MMS22L: variants seen among roughly 807,000 people sequenced by gnomAD.
MMS22L encodes the protein protein MMS22-like.
MMS22L carries 74 observed loss-of-function variants against 159.1 expected under a neutral mutation model. The ratio of observed to expected loss-of-function variants is 0.47; its 90% confidence interval spans 0.39 to 0.56. The LOEUF is 0.56. Among genes scored for constraint, MMS22L ranks in the 20% least tolerant of loss-of-function variants. The pLI is 0.00. For synonymous variants in MMS22L, 517 were observed against 506.9 expected, an observed-to-expected ratio of 1.02 and a Z score of -0.27; for missense variants, 1,351 against 1,422.1, an observed-to-expected ratio of 0.95 and a Z score of 0.80.
chr6:97,172,999 ATCAT>A, intron 19 of MMS22L, 60 bp downstream of exon 19: 1 of 1,473,692 alleles, frequency 6.8e-7, no homozygotes, highest in Admixed American at 2.1e-5. Context: ...ATACCTATCC[ATCAT>A]GATAGTATAG....
chr6:97,172,055 T>C (rs755135910), intron 19 of MMS22L, among the ~76,000 whole-genome samples: 9 of 152,184 alleles, frequency 5.9e-5, no homozygotes, highest in Admixed American at 1.3e-4. Flanking sequence ...AGTAGAATTT[T>C]GTCCCATGTC....
intron 14 of MMS22L, among the ~76,000 whole-genome samples, chr6:97,198,511 T>C (rs1404260016): frequency 2.6e-5 from 4 of 152,104 alleles, no homozygotes; most frequent in African/African-American, 9.7e-5. Context: ...TGTTATTACA[T>C]AGTATATTAT....
intron 9 of MMS22L, among the ~76,000 whole-genome samples, chr6:97,257,605 T>C (rs1229292701): frequency 6.6e-6 from 1 of 152,020 alleles, no homozygotes; most frequent in Non-Finnish European, 1.5e-5. Context: ...GGTAATCTTG[T>C]TTATTTTTTG....
intron 11 of MMS22L, among the ~76,000 whole-genome samples, chr6:97,236,743 A>T (rs1182627752): frequency 6.6e-6 from 1 of 152,176 alleles, no homozygotes; most frequent in East Asian, 1.9e-4. Flanking sequence ...CCAGGTCAGG[A>T]GATCGAGACC....
intron 14 of MMS22L, among the ~76,000 whole-genome samples, chr6:97,212,246 T>C (rs372628656): frequency 8.5e-5 from 13 of 152,322 alleles, no homozygotes; most frequent in South Asian, 2.1e-4. Flanking sequence ...ATAAGTGTAC[T>C]GGCTGGAAAA....
rs749581652 is a variant in MMS22L, at chr6:97,228,982, C to T, written c.1951G>A (p.Asp651Asn). ...LYPSHEKLLN[D>N]GFSMLLRACR... ...GCTCGCAGAAGCATACTAAATCCATCATTAAGCAGTTTTTCATGGGAAGGA... is the reference window on the plus strand; with the variant it reads ...GCTCGCAGAAGCATACTAAATCCATTATTAAGCAGTTTTTCATGGGAAGGA... The change falls in exon 14 of 25, where the codon GAT becomes AAT. Residue 651 changes from aspartate (D) to asparagine (N), a missense_variant. Physicochemically the swap from Asp to Asn is conservative, Grantham distance 23. Coordinates refer to ENST00000683635, the MANE Select transcript of MMS22L (RefSeq NM_001350599.2). 1.9e-6 allele frequency: 3 copies of T among 1,614,136 alleles called. No homozygotes were observed. The highest frequency in any genetic ancestry group is 3.3e-5 in the Admixed American group (2 of 60,020).
At chr6:97,157,375 G>C (rs969119691) in intron 22 of MMS22L, among the ~76,000 whole-genome samples, 4 of 152,204 alleles carry the variant, frequency 2.6e-5, no homozygotes, top group African/African-American at 9.7e-5. Context: ...AGTGATGAGA[G>C]AGGGTATCCT....
chr6:97,270,269 C>G (rs1815587460), intron 6 of MMS22L: 1 of 555,558 alleles, frequency 1.8e-6, no homozygotes, highest in Admixed American at 2.2e-5. Flanking sequence ...CAACCAACCT[C>G]TGATTCTACT....
intron 11 of MMS22L, among the ~76,000 whole-genome samples, chr6:97,238,004 C>T (rs775256295): frequency 6.6e-6 from 1 of 152,076 alleles, no homozygotes; most frequent in African/African-American, 2.4e-5. Context: ...AAAAAATATG[C>T]AAAGTTTGGG....
intron 11 of MMS22L, among the ~76,000 whole-genome samples, chr6:97,241,090 C>T (rs2128026922): frequency 6.6e-6 from 1 of 152,292 alleles, no homozygotes; most frequent in East Asian, 1.9e-4. Flanking sequence ...AGTGTTGTCA[C>T]TAAGAATAAT....
At chr6:97,228,786 G>T in intron 14 of MMS22L, 108 bp downstream of exon 14, 1 of 1,061,526 alleles carries the variant, frequency 9.4e-7, no homozygotes, top group Non-Finnish European at 1.3e-6. Context: ...CTCTACATTT[G>T]GATTTCATGT....
chr6:97,172,252 T>C (rs1803624853), intron 19 of MMS22L, among the ~76,000 whole-genome samples: 1 of 152,120 alleles, frequency 6.6e-6, no homozygotes, highest in Non-Finnish European at 1.5e-5. Context: ...TTTCCTGTAA[T>C]TTACATCTTC....
chr6:97,182,140 GT>G (rs199987050), intron 15 of MMS22L, 86 bp from the exon 16 acceptor site: 52,393 of 712,908 alleles, frequency 0.073, 3 homozygotes, highest in South Asian at 0.11. Flanking sequence ...TATAACAAGT[GT>G]TTTTTTTTTT....
At position 97,149,988 on chromosome 6, in the gene MMS22L, T is replaced by A; in HGVS notation, c.3515A>T (p.Tyr1172Phe). Reference sequence around the variant, plus strand: ...TTCTAAAATGCTGTAAACCTGGTAATAGTACCTCATACCATAATCCTGGAT... The same window carrying A: ...TTCTAAAATGCTGTAAACCTGGTAAAAGTACCTCATACCATAATCCTGGAT... Reference protein sequence around the residue: ...QFIQDYGMRYYYQVYSILETV... With the variant: ...QFIQDYGMRYFYQVYSILETV... The change falls in exon 24 of 25, where the codon TAT becomes TTT. Residue 1172 changes from tyrosine to phenylalanine, a missense_variant. Physicochemically the swap from Tyr to Phe is conservative, Grantham distance 22. Coordinates refer to ENST00000683635, the MANE Select transcript of MMS22L (RefSeq NM_001350599.2). 1 of 1,613,594 alleles carries A rather than the reference T, an allele frequency of 6.2e-7. No individual in the cohort carries two copies. The highest frequency in any genetic ancestry group is 8.5e-7 in the Non-Finnish European group (1 of 1,179,700).
At chr6:97,268,439 T>C (rs547115101) in intron 7 of MMS22L, among the ~76,000 whole-genome samples, 95 of 152,180 alleles carry the variant, frequency 6.2e-4, no homozygotes, top group African/African-American at 2.2e-3. Context: ...CTGCCCACCT[T>C]GGCCTCCCAA....
Position 97,142,660 on chromosome 6 carries a change from G to C in MMS22L, c.*4146C>G, listed in dbSNP as rs966597609. 1 of 152,124 alleles carries C rather than the reference G, an allele frequency of 6.6e-6. No individual in the cohort carries two copies. Among genetic ancestry groups the C allele is most frequent in the African/African-American group, 2.4e-5 (1 of 41,440 alleles). 9.4% of individuals were successfully genotyped at this position (152,124 alleles called of 1,614,324 possible). On this transcript the variant is annotated 3_prime_UTR_variant, in exon 25 of 25. Transcript: ENST00000683635. ...ACCTTTTAGACATGGGGAGACATGA[G>C]TGCTATGATAACATACGGTTTGGGG...
At chr6:97,172,321 G>C (rs1803631243) in intron 19 of MMS22L, among the ~76,000 whole-genome samples, 1 of 151,768 alleles carries the variant, frequency 6.6e-6, no homozygotes, top group South Asian at 2.1e-4. Flanking sequence ...AAAGGTTTCA[G>C]ACAACCCGAA....
intron 9 of MMS22L, chr6:97,261,661 G>A (rs781679065): frequency 1.3e-5 from 2 of 152,036 alleles, no homozygotes; most frequent in Non-Finnish European, 2.9e-5. Flanking sequence ...TTGGGGGGAC[G>A]GTCAGCATCC....
chr6:97,211,678 T>C (rs1808391368), intron 14 of MMS22L, among the ~76,000 whole-genome samples: 1 of 152,160 alleles, frequency 6.6e-6, no homozygotes, highest in African/African-American at 2.4e-5. Flanking sequence ...ATTTTTCTTC[T>C]ATTCCCATTC....
Sources: allele counts gnomAD v4.1 joint callset (sites outside exome capture counted in the v4.1 genomes callset), GRCh38; gene constraint gnomAD v4.1.1; transcripts MANE v1.5; gene names NCBI Gene and HGNC (gene_info 2026-07-23, HGNC 2026-07-21).